ARFGEF1: variants seen among roughly 807,000 people sequenced by gnomAD.
ARFGEF1 encodes brefeldin A-inhibited guanine nucleotide-exchange protein 1.
A neutral mutation model predicts 231.0 loss-of-function variants in ARFGEF1; 42 were observed. The observed-to-expected ratio is 0.18, with a 90% CI of 0.14 to 0.24. The LOEUF (loss-of-function observed/expected upper bound fraction) is 0.24, where lower values mean the gene tolerates loss of function less well. Ranked by LOEUF, ARFGEF1 falls within the 10% of genes least tolerant of loss-of-function variation. ARFGEF1 has a pLI of 1.00. For missense variants in ARFGEF1, 1,345 were observed against 2,192.0 expected (o/e 0.61, Z 7.72); for synonymous variants, 710 against 732.3 (o/e 0.97, Z 0.49).
At position 67,343,612 on chromosome 8, in the gene ARFGEF1, C is replaced by T; in HGVS notation, c.-325G>A. 6 of 1,043,968 alleles carry T rather than the reference C, an allele frequency of 5.7e-6. No homozygotes were observed. The highest frequency in any genetic ancestry group is 6.9e-6 in the Non-Finnish European group (6 of 868,398). The allele number at this position is 1,043,968 out of a possible 1,614,324, so 64.7% of individuals were successfully genotyped here. A position where few individuals can be genotyped will look rare whatever the true frequency, so the allele number is the denominator to read the frequency against. On this transcript the variant is annotated 5_prime_UTR_variant, in exon 1 of 39. Coordinates refer to ENST00000262215, the MANE Select transcript of ARFGEF1 (RefSeq NM_006421.5). ...TCCGGCCCTGGTGGCGGTGAGGGAG[C>T]CCGGCCCGGGCGGCTGTCTGCCGGG...
rs545590900 is a variant in ARFGEF1 at position 67,259,793 on chromosome 8, A to T, written c.2235+22T>A. On this transcript the variant is annotated intron_variant, in intron 15 of 38. Coordinates refer to ENST00000262215, the MANE Select transcript of ARFGEF1 (RefSeq NM_006421.5). Reference sequence around the variant, plus strand: ...TCCCAAGAATTTTACAGAAAAGGTTAGAATGAAAATGGTATTCTTACAGAG... The same window carrying T: ...TCCCAAGAATTTTACAGAAAAGGTTTGAATGAAAATGGTATTCTTACAGAG... The T allele has an allele frequency of 6.0e-6, 9 of 1,496,454 alleles. No homozygotes were observed. In the Admixed American group the frequency reaches 8.0e-5, roughly 13 times the overall value. The allele number at this position is 1,496,454 out of a possible 1,614,324, so 92.7% of individuals were successfully genotyped here.
chr8:67,197,010 T>A (rs1838042628), downstream of ARFGEF1, among the ~76,000 whole-genome samples: 1 of 152,004 alleles, frequency 6.6e-6, no homozygotes, highest in African/African-American at 2.4e-5. Flanking sequence ...ACGTTCCCTT[T>A]TTGTTTAATG....
At chr8:67,197,641 G>C (rs1838114488), downstream of ARFGEF1, 12 of 985,646 alleles carry the variant, frequency 1.2e-5, no homozygotes, top group South Asian at 5.6e-4. Context: ...ATGAAACATG[G>C]GGGTGGGTTA....
intron 18 of ARFGEF1, among the ~76,000 whole-genome samples, chr8:67,253,228 T>C (rs1048775328): frequency 3.3e-5 from 5 of 152,218 alleles, no homozygotes; most frequent in Non-Finnish European, 7.3e-5. Flanking sequence ...TGAAAAACTC[T>C]CTTTTAAATT....
chr8:67,175,175 CTA>C, downstream of ARFGEF1: 6 of 729,326 alleles, frequency 8.2e-6, no homozygotes, highest in Non-Finnish European at 1.4e-5. Flanking sequence ...TGATGTTTCA[CTA>C]TTTCTATCAT....
intron 1 of ARFGEF1, among the ~76,000 whole-genome samples, chr8:67,326,089 C>T (rs1416066820): frequency 6.6e-6 from 1 of 152,132 alleles, no homozygotes; most frequent in Non-Finnish European, 1.5e-5. Context: ...GTCCCAGCTA[C>T]TTAGGAGGCT....
intron 4 of ARFGEF1, among the ~76,000 whole-genome samples, chr8:67,297,688 A>C (rs571786053): frequency 6.6e-6 from 1 of 152,258 alleles, no homozygotes; most frequent in Non-Finnish European, 1.5e-5. Context: ...AAAGACTCTT[A>C]TCTTTTGTCT....
At chr8:67,262,463 A>G (rs752474103) in intron 14 of ARFGEF1, among the ~76,000 whole-genome samples, 19 of 152,220 alleles carry the variant, frequency 1.2e-4, no homozygotes, top group African/African-American at 3.6e-4. Context: ...TGGAAAGAAA[A>G]TAAGAGATTT....
intron 8 of ARFGEF1, 47 bp downstream of exon 8, chr8:67,277,235 T>C: frequency 6.3e-7 from 1 of 1,578,810 alleles, no homozygotes; most frequent in Non-Finnish European, 8.6e-7. Flanking sequence ...CCTATAAATT[T>C]GTAAGATTAA....
At chr8:67,238,957 C>A in intron 20 of ARFGEF1, 64 bp from the exon 21 acceptor site, 1 of 1,261,936 alleles carries the variant, frequency 7.9e-7, no homozygotes, top group Non-Finnish European at 1.1e-6. Flanking sequence ...AATTCCCCAC[C>A]AACAAACTCT....
chr8:67,253,965 T>C (rs1840375242), intron 17 of ARFGEF1, among the ~76,000 whole-genome samples: 1 of 152,222 alleles, frequency 6.6e-6, no homozygotes. Flanking sequence ...GAAATAAAGA[T>C]ATCAAAAACA....
intron 25 of ARFGEF1, 112 bp downstream of exon 25, chr8:67,227,851 A>G: frequency 1.0e-6 from 1 of 973,582 alleles, no homozygotes; most frequent in South Asian, 2.5e-5. Context: ...ATTTAATATT[A>G]AAAAGTAATA....
At chr8:67,219,604 C>T (rs1412528648) in intron 29 of ARFGEF1, 44 bp from the exon 30 acceptor site, 1 of 1,536,630 alleles carries the variant, frequency 6.5e-7, no homozygotes, top group Non-Finnish European at 8.8e-7. Context: ...TACAAAAAAG[C>T]ATACTTCTCC....
chr8:67,257,875 A>G, intron 16 of ARFGEF1, 59 bp from the exon 17 acceptor site: 2 of 1,411,706 alleles, frequency 1.4e-6, no homozygotes, highest in South Asian at 1.2e-5. Context: ...TTTCATTTAA[A>G]TAAGTCACCT....
At chr8:67,343,104 G>GCCCC in intron 1 of ARFGEF1, 60 bp downstream of exon 1, 1 of 200,382 alleles carries the variant, frequency 5.0e-6, no homozygotes, top group South Asian at 1.1e-4. Context: ...CCCCCCCACA[G>GCCCC]GCGCCCCCCT....
downstream of ARFGEF1, among the ~76,000 whole-genome samples, chr8:67,195,218 G>T (rs993181439): frequency 2.0e-5 from 3 of 151,976 alleles, no homozygotes; most frequent in Non-Finnish European, 4.4e-5. Context: ...CTAAAATAGG[G>T]TGGGGTGGGG....
intron 5 of ARFGEF1, among the ~76,000 whole-genome samples, chr8:67,177,405 T>C (rs1024729775): frequency 1.3e-5 from 2 of 152,208 alleles, no homozygotes; most frequent in Non-Finnish European, 2.9e-5. Context: ...TGAAGGATCC[T>C]GCATTGATCA....
chr8:67,319,630 G>A (rs1053127467), intron 1 of ARFGEF1, among the ~76,000 whole-genome samples: 14 of 152,092 alleles, frequency 9.2e-5, no homozygotes, highest in Non-Finnish European at 1.3e-4. Flanking sequence ...GAAACTCTCT[G>A]TGAGTTTGGA....
At chr8:67,293,076 G>A (rs1045999018) in intron 5 of ARFGEF1, among the ~76,000 whole-genome samples, 3 of 152,086 alleles carry the variant, frequency 2.0e-5, no homozygotes, top group Non-Finnish European at 2.9e-5. Flanking sequence ...TAATATCAAA[G>A]AATTCAACAT....
Sources: gnomAD v4.1 joint callset for allele counts (sites outside exome capture counted in the v4.1 genomes callset) on GRCh38, gnomAD v4.1.1 for gene constraint, MANE v1.5 for transcripts, NCBI Gene and HGNC (gene_info 2026-07-23, HGNC 2026-07-21) for gene names.